The following MYO5B variants were observed in gnomAD, a reference collection of about 807,000 sequenced individuals.
The protein encoded by MYO5B is myosin VB.
In MYO5B, 143 loss-of-function variants were observed where a neutral mutation model predicts 229.3. The ratio of observed to expected loss-of-function variants is 0.62; its 90% CI spans 0.54 to 0.72. MYO5B has a LOEUF of 0.72. Ranked by LOEUF, MYO5B falls within the 30% of genes least tolerant of loss-of-function variation. The pLI is 0.00. For synonymous variants in MYO5B, 918 were observed against 885.2 expected (o/e 1.04, Z -0.66); for missense variants, 2,321 against 2,331.0 (o/e 1.00, Z 0.09).
intron 1 of MYO5B, among the ~76,000 whole-genome samples, chr18:50,166,246 A>G (rs533782442): frequency 6.6e-6 from 1 of 152,212 alleles, no homozygotes; most frequent in South Asian, 2.1e-4. Flanking sequence ...TGCACCCATT[A>G]TACAAGCACT....
chr18:49,994,494 G>T (rs930927401), intron 5 of MYO5B, among the ~76,000 whole-genome samples: 10 of 152,202 alleles, frequency 6.6e-5, no homozygotes, highest in Non-Finnish European at 1.3e-4. Flanking sequence ...TACAGACACA[G>T]TATATAACTC....
At chr18:49,864,032 C>CT in intron 28 of MYO5B, 109 bp downstream of exon 28, 1 of 1,526,652 alleles carries the variant, frequency 6.6e-7, no homozygotes. Context: ...GCGAGAGACT[C>CT]TGCTCTTTCA....
At chr18:49,928,378 T>C (rs968095848) in intron 17 of MYO5B, among the ~76,000 whole-genome samples, 4 of 152,122 alleles carry the variant, frequency 2.6e-5, no homozygotes, top group African/African-American at 4.8e-5. Flanking sequence ...GCATGGTGGC[T>C]CACGCCTGTC....
intron 17 of MYO5B, among the ~76,000 whole-genome samples, chr18:49,924,542 C>T (rs2025108927): frequency 6.6e-6 from 1 of 152,218 alleles, no homozygotes; most frequent in Non-Finnish European, 1.5e-5. Context: ...AGTCTGGACT[C>T]CCACAAGCTG....
chr18:50,050,516 A>G (rs973485218), intron 2 of MYO5B, among the ~76,000 whole-genome samples: 1 of 152,242 alleles, frequency 6.6e-6, no homozygotes, highest in African/African-American at 2.4e-5. Context: ...CCCTTCCCTG[A>G]CACTGTGTTG....
At chr18:50,160,048 T>C (rs1438048253) in intron 1 of MYO5B, among the ~76,000 whole-genome samples, 1 of 152,172 alleles carries the variant, frequency 6.6e-6, no homozygotes. Context: ...GGGGTGCAAA[T>C]GGCTCCCCTC....
At chr18:49,997,021 T>G (rs1484107708) in intron 5 of MYO5B, among the ~76,000 whole-genome samples, 1 of 152,150 alleles carries the variant, frequency 6.6e-6, no homozygotes, top group African/African-American at 2.4e-5. Context: ...AAGCCAGCAC[T>G]TAGAAAGGCC....
At chr18:50,047,616 T>C (rs568810512) in intron 2 of MYO5B, among the ~76,000 whole-genome samples, 11 of 152,186 alleles carry the variant, frequency 7.2e-5, no homozygotes, top group Non-Finnish European at 1.5e-4. Context: ...TTATAAATCA[T>C]GCTGCTATAA....
intron 1 of MYO5B, among the ~76,000 whole-genome samples, chr18:50,182,489 G>C (rs2033086834): frequency 3.9e-5 from 6 of 152,118 alleles, no homozygotes; most frequent in Admixed American, 3.9e-4. Flanking sequence ...AGAAGGTAAG[G>C]GCAAAAATAT....
intron 12 of MYO5B, among the ~76,000 whole-genome samples, chr18:49,957,433 A>G (rs1201172834): frequency 1.3e-5 from 2 of 152,074 alleles, no homozygotes; most frequent in Non-Finnish European, 2.9e-5. Flanking sequence ...CTTGAGCCCA[A>G]GAAGTTCAAG....
chr18:49,836,604 A>C, intron 38 of MYO5B, 107 bp downstream of exon 38: 1 of 1,305,136 alleles, frequency 7.7e-7, no homozygotes, highest in Non-Finnish European at 1.1e-6. Flanking sequence ...GGGTATATAA[A>C]GGGTGGGAGT....
intron 11 of MYO5B, 125 bp from the exon 12 acceptor site, chr18:49,962,531 C>G (rs564188803): frequency 4.5e-6 from 6 of 1,347,280 alleles, no homozygotes; most frequent in Non-Finnish European, 6.3e-6. Context: ...GGTTTGGATG[C>G]TAAGTCATAG....
chr18:49,984,944 T>C, intron 7 of MYO5B, 119 bp from the exon 8 acceptor site: 1 of 751,652 alleles, frequency 1.3e-6, no homozygotes, highest in Non-Finnish European at 2.4e-6. Context: ...TAGGCCCAGC[T>C]GGATGTGAAA....
chr18:50,191,291 G>T (rs1189040960), intron 1 of MYO5B, among the ~76,000 whole-genome samples: 3 of 152,174 alleles, frequency 2.0e-5, no homozygotes, highest in Admixed American at 1.3e-4. Context: ...GACCCTAAAT[G>T]ATTAAGAACT....
chr18:50,019,219 T>C (rs769082922), intron 4 of MYO5B, among the ~76,000 whole-genome samples: 2 of 152,232 alleles, frequency 1.3e-5, no homozygotes, highest in Non-Finnish European at 2.9e-5. Context: ...TAAGCTATTA[T>C]GTAATATAAA....
intron 1 of MYO5B, among the ~76,000 whole-genome samples, chr18:50,152,102 C>T (rs2032607919): frequency 6.6e-6 from 1 of 152,198 alleles, no homozygotes; most frequent in Admixed American, 6.5e-5. Flanking sequence ...GACCACAATT[C>T]CTCAGCCAAA....
chr18:50,109,003 T>C (rs1043346120), intron 1 of MYO5B, among the ~76,000 whole-genome samples: 3 of 152,140 alleles, frequency 2.0e-5, no homozygotes, highest in Admixed American at 6.5e-5. Context: ...ATAAAGTCAC[T>C]GGGGTGATGA....
At chr18:50,006,593 C>T (rs958366023) in intron 4 of MYO5B, among the ~76,000 whole-genome samples, 1 of 152,154 alleles carries the variant, frequency 6.6e-6, no homozygotes, top group Non-Finnish European at 1.5e-5. Context: ...TTCACACTGG[C>T]CCCCCCTTCT....
At chr18:50,101,384 T>C (rs141075508) in intron 1 of MYO5B, among the ~76,000 whole-genome samples, 1 of 152,276 alleles carries the variant, frequency 6.6e-6, no homozygotes, top group African/African-American at 2.4e-5. Flanking sequence ...TATTCCTGTA[T>C]GGGGCCATCT....
Sources: gnomAD v4.1 joint callset for allele counts (sites outside exome capture counted in the v4.1 genomes callset) on GRCh38, gnomAD v4.1.1 for gene constraint, MANE v1.5 for transcripts, NCBI Gene and HGNC (gene_info 2026-07-23, HGNC 2026-07-21) for gene names.